Variants in GLIPR1 observed in about 807,000 individuals in gnomAD.
GLIPR1 encodes the protein glioma pathogenesis-related protein 1.
A neutral mutation model predicts 30.3 loss-of-function variants in GLIPR1; 38 were observed. The observed-to-expected ratio is 1.26, with a 90% CI of 0.97 to 1.65. GLIPR1 has a LOEUF of 1.65. GLIPR1 is among the 40% of genes most tolerant of loss of function. The pLI is 0.00. For missense variants in GLIPR1, 285 were observed against 326.5 expected, an observed-to-expected ratio of 0.87 and a Z score of 0.98; for synonymous variants, 122 against 110.6, an observed-to-expected ratio of 1.10 and a Z score of -0.65.
chr12:75,493,886 G>C (rs546082392), intron 3 of GLIPR1: 2 of 152,170 alleles, frequency 1.3e-5, no homozygotes, highest in African/African-American at 4.8e-5. Context: ...TTTTTAAGTA[G>C]CATTTTTTAC....
intron 2 of GLIPR1, among the ~76,000 whole-genome samples, chr12:75,482,832 G>A (rs933820871): frequency 4.6e-5 from 7 of 151,724 alleles, no homozygotes; most frequent in Admixed American, 2.0e-4. Context: ...GTCTTCAGAC[G>A]CTGCCTTCCT....
At chr12:75,490,233 A>ACACACACC (rs1173000975) in intron 2 of GLIPR1, among the ~76,000 whole-genome samples, 173 bp from the exon 3 acceptor site, 49 of 145,396 alleles carry the variant, frequency 3.4e-4, no homozygotes, top group East Asian at 1.0e-3. Flanking sequence ...ACACACACAC[A>ACACACACC]CCCCAATAAT....
chr12:75,485,315 A>C (rs894451671), intron 2 of GLIPR1, among the ~76,000 whole-genome samples: 1 of 152,196 alleles, frequency 6.6e-6, no homozygotes, highest in African/African-American at 2.4e-5. Context: ...GCATTGAGAA[A>C]AAATGTTGGT....
At chr12:75,490,557 C>CG in intron 3 of GLIPR1, 39 bp downstream of exon 3, 2 of 155,578 alleles carry the variant, frequency 1.3e-5, no homozygotes, top group South Asian at 1.6e-4. Flanking sequence ...GAAACGCCCC[C>CG]CCCCCCCCGC....
chr12:75,495,708 A>C, intron 4 of GLIPR1, 46 bp downstream of exon 4: 1 of 1,065,998 alleles, frequency 9.4e-7, no homozygotes, highest in Non-Finnish European at 1.4e-6. Flanking sequence ...TAATAGTAAC[A>C]TGTAACTTTC....
In GLIPR1 at chr12:75,499,979, T is replaced by A; in HGVS notation, c.*1001T>A. 1 of 1,552,414 alleles carries A rather than the reference T, an allele frequency of 6.4e-7. No individual in the cohort carries two copies. Among genetic ancestry groups the A allele is most frequent in the Non-Finnish European group, 8.7e-7 (1 of 1,149,726 alleles). ...AGACAAATTAAAAGCACAACACATGTAATACTTTAGATTTTACCAAGTAAA... is the reference window on the plus strand; with the variant it reads ...AGACAAATTAAAAGCACAACACATGAAATACTTTAGATTTTACCAAGTAAA... On this transcript the variant is annotated 3_prime_UTR_variant, in exon 6 of 6. Coordinates refer to ENST00000266659, the MANE Select transcript of GLIPR1 (RefSeq NM_006851.3).
chr12:75,485,744 G>A (rs2046291428), intron 2 of GLIPR1, among the ~76,000 whole-genome samples: 1 of 151,664 alleles, frequency 6.6e-6, no homozygotes, highest in Admixed American at 6.6e-5. Flanking sequence ...TAGAGATGGG[G>A]TTTCACCGTT....
rs11366 is a variant in GLIPR1 at position 75,501,003 on chromosome 12, T to C, written c.*2025T>C. 1 of 152,088 alleles carries C rather than the reference T, an allele frequency of 6.6e-6. No individual in the cohort carries two copies. Among genetic ancestry groups the C allele is most frequent in the East Asian group, 1.9e-4 (1 of 5,188 alleles). 9.4% of individuals were successfully genotyped at this position (152,088 alleles called of 1,614,324 possible). ...AACAAGCAATATATTAAAATAATAATGTATTATATCTGTTTCTGACCCAGT... is the reference window on the plus strand; with the variant it reads ...AACAAGCAATATATTAAAATAATAACGTATTATATCTGTTTCTGACCCAGT... On this transcript the variant is annotated 3_prime_UTR_variant, in exon 6 of 6. Transcript: ENST00000266659.
At position 75,501,046 on chromosome 12, in the gene GLIPR1, G is replaced by A. The variant is rs2120594851; in HGVS notation, c.*2068G>A. 6.6e-6 allele frequency: 1 copy of A among 152,162 alleles called. No individual in the cohort carries two copies. Among genetic ancestry groups the A allele is most frequent in the Middle Eastern group, 3.4e-3 (1 of 294 alleles). 9.4% of individuals were successfully genotyped at this position (152,162 alleles called of 1,614,324 possible). A position where few individuals can be genotyped will look rare whatever the true frequency, so the allele number is the denominator to read the frequency against. On this transcript the variant is annotated 3_prime_UTR_variant, in exon 6 of 6. Coordinates refer to ENST00000266659, the MANE Select transcript of GLIPR1 (RefSeq NM_006851.3). ...GACCCAGTCTATGTACAATATTGCT[G>A]GTGAGCCCTCTCCCTTCAGTGTGTC...
chr12:75,495,412 T>C (rs1256026978), intron 3 of GLIPR1, 165 bp from the exon 4 acceptor site: 1 of 571,558 alleles, frequency 1.7e-6, no homozygotes, highest in Non-Finnish European at 3.2e-6. Flanking sequence ...ATGCAAATAT[T>C]AGCAGCCTTC....
In GLIPR1 at chr12:75,499,706, A is replaced by G. The variant is rs1056900; in HGVS notation, c.*728A>G. Reference sequence around the variant, plus strand: ...TGAACAACCACCACCACCAAAAAAAAAAAAAGCCCTCAGAAAATTTCTCAC... The same window carrying G: ...TGAACAACCACCACCACCAAAAAAAGAAAAAGCCCTCAGAAAATTTCTCAC... On this transcript the variant is annotated 3_prime_UTR_variant, in exon 6 of 6. Coordinates refer to ENST00000266659, the MANE Select transcript of GLIPR1 (RefSeq NM_006851.3). 182,049 of 748,902 alleles carry G rather than the reference A, an allele frequency of 0.24. 25,812 individuals are homozygous for G. Among genetic ancestry groups the G allele is most frequent in the Middle Eastern group, 0.33 (823 of 2,488 alleles). 46.4% of individuals were successfully genotyped at this position (748,902 alleles called of 1,614,324 possible).
chr12:75,481,723 C>G, intron 1 of GLIPR1, 111 bp from the exon 2 acceptor site: 1 of 891,356 alleles, frequency 1.1e-6, no homozygotes, highest in Non-Finnish European at 1.8e-6. Context: ...GACTCATATG[C>G]AGTGGTATCT....
At position 75,482,085 on chromosome 12, in the gene GLIPR1, G is replaced by T. The variant is rs2120491070; in HGVS notation, c.420+6G>T. ...TCTGTGGCCACTACACTCAGGTAAG[G>T]ATCTGCCCTATATTATCTTGAAACT... On this transcript the variant is annotated splice_donor_region_variant and intron_variant, in intron 2 of 5. Transcript: ENST00000266659. 2 of 1,612,548 alleles carry T rather than the reference G, an allele frequency of 1.2e-6. No homozygotes were observed. Among genetic ancestry groups the T allele is most frequent in the Non-Finnish European group, 1.7e-6 (2 of 1,178,694 alleles).
intron 2 of GLIPR1, among the ~76,000 whole-genome samples, chr12:75,488,005 C>T (rs552366504): frequency 6.4e-4 from 98 of 152,216 alleles, no homozygotes; most frequent in Non-Finnish European, 7.9e-4. Flanking sequence ...GACGTTGCCA[C>T]GGCATTTGTA....
At chr12:75,484,396 T>C (rs2046284398) in intron 2 of GLIPR1, 1 of 152,248 alleles carries the variant, frequency 6.6e-6, no homozygotes, top group Non-Finnish European at 1.5e-5. Context: ...CACAGGTGAA[T>C]AAACAGACTT....
At chr12:75,497,875 T>G (rs2046360716) in intron 4 of GLIPR1, 1 of 146,454 alleles carries the variant, frequency 6.8e-6, no homozygotes, top group East Asian at 2.1e-4. Context: ...AGTTGAATAT[T>G]GAACATTTAA....
At chr12:75,491,047 C>A (rs1032161341) in intron 3 of GLIPR1, 2 of 152,260 alleles carry the variant, frequency 1.3e-5, no homozygotes, top group African/African-American at 4.8e-5. Context: ...CATATGTGTG[C>A]TTGTGTCATA....
chr12:75,491,098 T>C (rs1226990579), intron 3 of GLIPR1: 1 of 152,322 alleles, frequency 6.6e-6, no homozygotes, highest in East Asian at 1.9e-4. Flanking sequence ...ATATACATTT[T>C]CTATTTTTCA....
intron 2 of GLIPR1, among the ~76,000 whole-genome samples, chr12:75,490,195 T>TCACACACACACACACACA (rs71829276): frequency 4.9e-5 from 7 of 141,710 alleles, no homozygotes; most frequent in Middle Eastern, 3.5e-3. Context: ...TTATCTTATT[T>TCACACACACACACACACA]CACACACACA....
Sources: allele counts gnomAD v4.1 joint callset (sites outside exome capture counted in the v4.1 genomes callset), GRCh38; gene constraint gnomAD v4.1.1; transcripts MANE v1.5; gene names NCBI Gene and HGNC (gene_info 2026-07-23, HGNC 2026-07-21).